Variants in ANKRD12 observed in about 807,000 individuals in gnomAD.
The protein encoded by ANKRD12 is ankyrin repeat domain 12.
In ANKRD12, 85 loss-of-function variants were observed where a neutral mutation model predicts 183.4. The observed-to-expected ratio is 0.46, with a 90% CI of 0.39 to 0.56. The LOEUF is 0.56. ANKRD12 is among the 20% of genes least tolerant of loss of function. The pLI is 0.00. For synonymous variants in ANKRD12, 914 were observed against 800.2 expected (o/e 1.14, Z -2.40); for missense variants, 2,405 against 2,357.1 (o/e 1.02, Z -0.42).
At chr18:9,263,018 G>A (rs750786361) in intron 9 of ANKRD12, among the ~76,000 whole-genome samples, 20 of 151,534 alleles carry the variant, frequency 1.3e-4, no homozygotes, top group Non-Finnish European at 2.4e-4. Context: ...GGCTGGTCTC[G>A]AACTACTAAC....
chr18:9,272,826 TTTG>T (rs1293849026), intron 10 of ANKRD12, among the ~76,000 whole-genome samples: 1 of 152,224 alleles, frequency 6.6e-6, no homozygotes, highest in East Asian at 1.9e-4. Context: ...ACCATGTTTC[TTTG>T]TTTTTTTCAT....
intron 2 of ANKRD12, among the ~76,000 whole-genome samples, chr18:9,186,246 A>G (rs1174518599): frequency 6.6e-6 from 1 of 151,944 alleles, no homozygotes; most frequent in African/African-American, 2.4e-5. Context: ...AATAGCAAAA[A>G]CCAAATACTT....
intron 1 of ANKRD12, among the ~76,000 whole-genome samples, chr18:9,174,287 A>G (rs564999038): frequency 1.3e-5 from 2 of 152,342 alleles, no homozygotes; most frequent in African/African-American, 2.4e-5. Flanking sequence ...TTGAGGTGCC[A>G]TGGAAGTGAG....
At chr18:9,181,292 G>A (rs577197486) in intron 1 of ANKRD12, among the ~76,000 whole-genome samples, 6 of 152,062 alleles carry the variant, frequency 3.9e-5, no homozygotes, top group East Asian at 3.9e-4. Flanking sequence ...TTTTGGTTTC[G>A]TTTCTATCAA....
chr18:9,190,303 C>A (rs1190350283), intron 2 of ANKRD12, among the ~76,000 whole-genome samples: 5 of 152,138 alleles, frequency 3.3e-5, no homozygotes, highest in African/African-American at 1.2e-4. Flanking sequence ...ACCTTATAAG[C>A]AAAACACTTG....
Position 9,255,802 on chromosome 18 carries a change from G to T in ANKRD12, c.2535G>T (p.Lys845Asn). The T allele has an allele frequency of 6.4e-7, 1 of 1,573,178 alleles. No individual in the cohort carries two copies. Among genetic ancestry groups the T allele is most frequent in the Non-Finnish European group, 8.6e-7 (1 of 1,168,636 alleles). ...AAAGAAAAACCTTTGAAAAAGAAAA[G>T]AAGATAAAACATGAGCATAAGTCAG... The part of the protein sequence containing the change: ...KMERKTFEKE[K>N]KIKHEHKSEK... The change falls in exon 9 of 13, where the codon AAG (lysine) becomes AAT (asparagine). Residue 845 changes from lysine (K) to asparagine (N), a missense_variant. By Grantham distance (94) the Lys-to-Asn change is moderately conservative (BLOSUM62 0). Coordinates refer to ENST00000262126, the MANE Select transcript of ANKRD12 (RefSeq NM_015208.5).
Position 9,256,173 on chromosome 18 carries a change from G to C in ANKRD12, c.2906G>C (p.Ser969Thr). ...AAGGAAAAATCTAGAGATAAAGAAA[G>C]TATAAATATAACTAACTCCAAACAC... is the stretch of plus-strand genomic sequence containing the variant. ...DKKEKSRDKESINITNSKHIQ... is the reference protein window; with the variant it reads ...DKKEKSRDKETINITNSKHIQ... Residue 969 changes from serine (S) to threonine (T), a missense_variant, in exon 9 of 13, where the codon AGT becomes ACT. Transcript: ENST00000262126. 6.4e-7 allele frequency: 1 copy of C among 1,561,042 alleles called. No homozygotes were observed. The highest frequency in any genetic ancestry group is 8.6e-7 in the Non-Finnish European group (1 of 1,163,434).
chr18:9,228,642 A>G (rs2036862408), intron 8 of ANKRD12, among the ~76,000 whole-genome samples: 2 of 152,012 alleles, frequency 1.3e-5, no homozygotes, highest in Admixed American at 1.3e-4. Flanking sequence ...TCCTTTGCCC[A>G]TTTTTTAATG....
At chr18:9,139,446 AT>A (rs749336644) in intron 1 of ANKRD12, among the ~76,000 whole-genome samples, 18 of 152,356 alleles carry the variant, frequency 1.2e-4, no homozygotes, top group South Asian at 4.1e-4. Context: ...TTAAAAAAAA[AT>A]AAGTGATTTT....
chr18:9,200,224 A>G (rs541096370), intron 3 of ANKRD12, among the ~76,000 whole-genome samples: 37 of 152,368 alleles, frequency 2.4e-4, no homozygotes, highest in African/African-American at 8.4e-4. Context: ...GAAATTAGGG[A>G]ATGAATTACA....
chr18:9,250,986 T>C (rs9675870), intron 8 of ANKRD12, among the ~76,000 whole-genome samples: 8 of 151,160 alleles, frequency 5.3e-5, no homozygotes, highest in African/African-American at 1.7e-4. Context: ...AAGTTTTTTG[T>C]TTTTTGTTTC....
chr18:9,285,210 A>G lies in ANKRD12; in HGVS notation c.*4084A>G, dbSNP rs77446283. 1 of 144,228 alleles carries G rather than the reference A, an allele frequency of 6.9e-6. No homozygotes were observed. Among genetic ancestry groups the G allele is most frequent in the Non-Finnish European group, 1.5e-5 (1 of 64,960 alleles). The allele number at this position is 144,228 out of a possible 1,614,324, so 8.9% of individuals were successfully genotyped here. A position where few individuals can be genotyped will look rare whatever the true frequency, so the allele number is the denominator to read the frequency against. On this transcript the variant is annotated 3_prime_UTR_variant, in exon 13 of 13. Coordinates refer to ENST00000262126, the MANE Select transcript of ANKRD12 (RefSeq NM_015208.5). The stretch of plus-strand genomic sequence containing the variant: ...GGCGACAGAGCGAGACTCCGTCTCA[A>G]AAAAAAAAAAAAAGAAAGAAAAGAA...
chr18:9,211,608 AAAC>A lies in ANKRD12; in HGVS notation c.480_482del (p.Thr161del). On this transcript the variant is annotated inframe_deletion, in exon 6 of 13. Transcript: ENST00000262126. ...GATTCCACACCAAATCATCCATCACAAACAACGCCTGCCCAAAAGAAAACTCCC... is the reference window on the plus strand; with the variant it reads ...GATTCCACACCAAATCATCCATCACAAACGCCTGCCCAAAAGAAAACTCCC... 6.2e-7 allele frequency: 1 copy of A among 1,613,874 alleles called. No individual in the cohort carries two copies. Among genetic ancestry groups the A allele is most frequent in the Non-Finnish European group, 8.5e-7 (1 of 1,179,864 alleles).
At chr18:9,137,869 AAG>A (rs1441785419) in intron 1 of ANKRD12, 2 of 152,234 alleles carry the variant, frequency 1.3e-5, no homozygotes, top group East Asian at 1.9e-4. Flanking sequence ...CGGTTGTACA[AAG>A]AGGTATGCGA....
intron 2 of ANKRD12, among the ~76,000 whole-genome samples, chr18:9,190,183 A>T (rs961493840): frequency 6.6e-6 from 1 of 152,216 alleles, no homozygotes; most frequent in African/African-American, 2.4e-5. Context: ...TGGAGGAACT[A>T]ACTGTAGATG....
chr18:9,227,441 A>G (rs918479987), intron 8 of ANKRD12, among the ~76,000 whole-genome samples: 2 of 152,208 alleles, frequency 1.3e-5, no homozygotes, highest in East Asian at 3.8e-4. Flanking sequence ...GAAGAAGATG[A>G]TTCCAGGTCT....
intron 4 of ANKRD12, among the ~76,000 whole-genome samples, chr18:9,208,126 A>G (rs190628165): frequency 3.9e-4 from 59 of 152,314 alleles, no homozygotes; most frequent in African/African-American, 1.3e-3. Context: ...ATGTTCAGCT[A>G]TCCTATGACT....
chr18:9,275,378 T>C, intron 10 of ANKRD12, 146 bp from the exon 11 acceptor site: 1 of 520,238 alleles, frequency 1.9e-6, no homozygotes, highest in South Asian at 3.4e-5. Context: ...GAGGCTGAGG[T>C]GGGAGGATTG....
chr18:9,186,773 C>CG (rs2034097679), intron 2 of ANKRD12, among the ~76,000 whole-genome samples: 1 of 124,124 alleles, frequency 8.1e-6, no homozygotes, highest in East Asian at 2.2e-4. Context: ...TTTTTTTTGA[C>CG]GGAGTCTCGC....
Sources: gnomAD v4.1 joint callset for allele counts (sites outside exome capture counted in the v4.1 genomes callset) on GRCh38, gnomAD v4.1.1 for gene constraint, MANE v1.5 for transcripts, NCBI Gene and HGNC (gene_info 2026-07-23, HGNC 2026-07-21) for gene names.